PCYT2: variants seen among roughly 807,000 people sequenced by gnomAD.
PCYT2 encodes the protein ethanolamine-phosphate cytidylyltransferase.
Under a neutral mutation model 50.0 loss-of-function variants are expected in PCYT2, and 33 were observed. The observed-to-expected ratio is 0.66, with a 90% CI of 0.50 to 0.88. The LOEUF (loss-of-function observed/expected upper bound fraction) is 0.88, where lower values mean the gene tolerates loss of function less well. Ranked by LOEUF, PCYT2 falls within the 40% of genes least tolerant of loss-of-function variation. The pLI, the probability that PCYT2 is intolerant of heterozygous loss-of-function variation, is 0.00. For synonymous variants in PCYT2, 240 were observed against 203.7 expected (o/e 1.18, Z -1.52); for missense variants, 430 against 519.7 (o/e 0.83, Z 1.68).
intron 8 of PCYT2, 134 bp downstream of exon 8, chr17:81,906,330 G>C (rs1052919967): frequency 5.4e-6 from 6 of 1,112,756 alleles, no homozygotes; most frequent in Non-Finnish European, 7.9e-6. Context: ...AGAAGCCTAC[G>C]ATCACCCCCC....
chr17:81,904,957 G>GGTAA lies in PCYT2; in HGVS notation c.1059-17_1059-14dup, dbSNP rs1231910170. The stretch of plus-strand genomic sequence containing the variant: ...CTCATACTCCAACCTGAGAGGGCAG[G>GGTAA]GTAAGTCTAGCAGAGAGCGCCCATG... On this transcript the variant is annotated splice_polypyrimidine_tract_variant and intron_variant, in intron 12 of 12. Coordinates refer to ENST00000538936, the MANE Select transcript of PCYT2 (RefSeq NM_002861.5). The GGTAA allele has an allele frequency of 6.2e-7, 1 of 1,607,384 alleles. No individual in the cohort carries two copies. Among genetic ancestry groups the GGTAA allele is most frequent in the Non-Finnish European group, 8.5e-7 (1 of 1,175,912 alleles).
rs2040019232 is a variant in PCYT2, at chr17:81,902,902, C to G, written c.*1931G>C. 1.5e-6 allele frequency: 1 copy of G among 657,188 alleles called. No homozygotes were observed. Among genetic ancestry groups the G allele is most frequent in the East Asian group, 3.3e-5 (1 of 30,318 alleles). The allele number at this position is 657,188 out of a possible 1,614,324, so 40.7% of individuals were successfully genotyped here. On this transcript the variant is annotated 3_prime_UTR_variant, in exon 13 of 13. Transcript: ENST00000538936. ...AACGAATAAATAAATGAGGCGGCCT[C>G]GGAGTGAGGGGTGCTGGAGGACTGG...
At chr17:81,904,987 G>A (rs756107791) in intron 12 of PCYT2, 43 bp from the exon 13 acceptor site, 32 of 1,588,956 alleles carry the variant, frequency 2.0e-5, no homozygotes, top group African/African-American at 1.3e-4. Flanking sequence ...CCCATGAGGC[G>A]GCTCCGAGGG....
chr17:81,903,087 G>T lies in PCYT2; in HGVS notation c.*1746C>A, dbSNP rs763821694. On this transcript the variant is annotated 3_prime_UTR_variant, in exon 13 of 13. Coordinates refer to ENST00000538936, the MANE Select transcript of PCYT2 (RefSeq NM_002861.5). ...CGACCCAGCCCCGCGGTGAAGCCGC[G>T]CCTAGCCTTGGTGCTCCCTGGGGGA... 30 of 318,272 alleles carry T rather than the reference G, an allele frequency of 9.4e-5. No homozygotes were observed. The highest frequency in any genetic ancestry group is 1.6e-4 in the Non-Finnish European group (27 of 174,060). 19.7% of individuals were successfully genotyped at this position (318,272 alleles called of 1,614,324 possible).
Position 81,902,499 on chromosome 17 carries a change from G to A in PCYT2, c.*2334C>T. 1 of 1,420,316 alleles carries A rather than the reference G, an allele frequency of 7.0e-7. No homozygotes were observed. Among genetic ancestry groups the A allele is most frequent in the Non-Finnish European group, 9.1e-7 (1 of 1,094,790 alleles). 88.0% of individuals were successfully genotyped at this position (1,420,316 alleles called of 1,614,324 possible). A position where few individuals can be genotyped will look rare whatever the true frequency, so the allele number is the denominator to read the frequency against. On this transcript the variant is annotated 3_prime_UTR_variant, in exon 13 of 13. Transcript: ENST00000538936. ...GCGGGGCCGGCGCCTCCCCGGAGCT[G>A]CAACTGCACCCCAGGCTGCGGAGCC...
Position 81,906,741 on chromosome 17 carries a change from G to A in PCYT2, c.676+19C>T. 1 of 1,611,338 alleles carries A rather than the reference G, an allele frequency of 6.2e-7. No individual in the cohort carries two copies. The highest frequency in any genetic ancestry group is 8.5e-7 in the Non-Finnish European group (1 of 1,178,856). ...CCCATGTGGCACATGTAGGGGAGCA[G>A]CAGAGGCCCAGAGGATACGGAACAG... On this transcript the variant is annotated intron_variant, in intron 7 of 12. Transcript: ENST00000538936.
chr17:81,909,284 G>T (rs1442171101), intron 2 of PCYT2: 4 of 1,429,526 alleles, frequency 2.8e-6, no homozygotes, highest in Non-Finnish European at 2.7e-6. Context: ...TGGGAGCCTC[G>T]CTGGCAGTGG....
At position 81,902,892 on chromosome 17, in the gene PCYT2, G is replaced by C; in HGVS notation, c.*1941C>G. ...GTTAATGGCAAACGAATAAATAAAT[G>C]AGGCGGCCTCGGAGTGAGGGGTGCT... On this transcript the variant is annotated 3_prime_UTR_variant, in exon 13 of 13. Transcript: ENST00000538936. 1 of 712,418 alleles carries C rather than the reference G, an allele frequency of 1.4e-6. No homozygotes were observed. The highest frequency in any genetic ancestry group is 2.2e-6 in the Non-Finnish European group (1 of 463,116). The allele number at this position is 712,418 out of a possible 1,614,324, so 44.1% of individuals were successfully genotyped here.
chr17:81,907,576 T>A lies in PCYT2; in HGVS notation c.515A>T (p.Glu172Val). Residue 172 changes from glutamate (E) to valine (V), a missense_variant, in exon 6 of 13, where the codon GAG (glutamate) becomes GTG (valine). Physicochemically the swap from Glu to Val is moderately radical, Grantham distance 121 (BLOSUM62 -2). This residue lies in a region of PCYT2 where 248 missense variants were observed against 300.2 expected (regional missense o/e 0.83). Coordinates refer to ENST00000538936, the MANE Select transcript of PCYT2 (RefSeq NM_002861.5). ...SSQEMSSEYR[E>V]YADSFGKCPG... ...CACCTTGCCAAAACTGTCTGCATACTCCCGGTACTCAGAGGACATCTCCTG... is the reference window on the plus strand; with the variant it reads ...CACCTTGCCAAAACTGTCTGCATACACCCGGTACTCAGAGGACATCTCCTG... 6.2e-7 allele frequency: 1 copy of A among 1,611,728 alleles called. No individual in the cohort carries two copies. Among genetic ancestry groups the A allele is most frequent in the South Asian group, 1.1e-5 (1 of 90,718 alleles).
chr17:81,906,207 G>T, intron 8 of PCYT2, 30 bp from the exon 9 acceptor site: 2 of 1,580,802 alleles, frequency 1.3e-6, no homozygotes, highest in Non-Finnish European at 1.7e-6. Context: ...AGCTCAGCCC[G>T]GAGACTTTTT....
chr17:81,906,437 G>C (rs180980025), intron 8 of PCYT2, 27 bp downstream of exon 8: 4 of 1,605,022 alleles, frequency 2.5e-6, no homozygotes, highest in Non-Finnish European at 3.4e-6. Flanking sequence ...AGCTGCCCAG[G>C]GGCCCAGGGA....
In PCYT2 at chr17:81,911,394, G is replaced by T; in HGVS notation, c.-39C>A. ...CGGCGCGGACAGCCTGGCAGCTCCC[G>T]GCGACTCCGAGCGCCGCCGCCCGCC... On this transcript the variant is annotated 5_prime_UTR_variant, in exon 1 of 13. Transcript: ENST00000538936. 1 of 990,990 alleles carries T rather than the reference G, an allele frequency of 1.0e-6. No homozygotes were observed. Among genetic ancestry groups the T allele is most frequent in the Non-Finnish European group, 1.2e-6 (1 of 833,742 alleles). The allele number at this position is 990,990 out of a possible 1,614,324, so 61.4% of individuals were successfully genotyped here. A position where few individuals can be genotyped will look rare whatever the true frequency, so the allele number is the denominator to read the frequency against.
chr17:81,907,370 C>T (rs2040331169), intron 6 of PCYT2, 184 bp downstream of exon 6: 6 of 1,205,342 alleles, frequency 5.0e-6, no homozygotes, highest in Non-Finnish European at 7.0e-6. Context: ...CCACCACCCG[C>T]CTGCCCTCCC....
chr17:81,905,146 C>T lies in PCYT2; in HGVS notation c.978G>A (p.Lys326=). The stretch of plus-strand genomic sequence containing the variant: ...CAATCTGACGGAAGATGCCCCTTCT[C>T]TTGGGCTCCTGGGGGTCCAGAGAGG... The part of the protein sequence containing the change: ...RDGSDPYQEP[K]RRGIFRQIDS... Residue 326 remains lysine (K), a synonymous_variant, in exon 12 of 13, where the codon AAG becomes AAA. Coordinates refer to ENST00000538936, the MANE Select transcript of PCYT2 (RefSeq NM_002861.5). The T allele has an allele frequency of 6.2e-7, 1 of 1,612,552 alleles. No individual in the cohort carries two copies.
intron 6 of PCYT2, 60 bp from the exon 7 acceptor site, chr17:81,906,958 A>C: frequency 1.3e-6 from 2 of 1,557,564 alleles, no homozygotes; most frequent in South Asian, 2.3e-5. Flanking sequence ...TGCCCTCACC[A>C]GGTCACCAAA....
At chr17:81,907,881 G>A (rs755824877) in intron 4 of PCYT2, 24 bp from the exon 5 acceptor site, 3 of 1,580,184 alleles carry the variant, frequency 1.9e-6, no homozygotes, top group South Asian at 1.1e-5. Flanking sequence ...TGGGAGTGGG[G>A]TCTCATCCTG....
rs527833871 is a variant in PCYT2, at chr17:81,903,592, C to T, written c.*1241G>A. ...GTTCTGAGTGGGAGCATTGGCACCA[C>T]CCCACTCCTGAAAGCGGGGGCCTGG... On this transcript the variant is annotated 3_prime_UTR_variant, in exon 13 of 13. Coordinates refer to ENST00000538936, the MANE Select transcript of PCYT2 (RefSeq NM_002861.5). 7 of 152,462 alleles carry T rather than the reference C, an allele frequency of 4.6e-5. No individual in the cohort carries two copies. Among genetic ancestry groups the T allele is most frequent in the Admixed American group, 1.3e-4 (2 of 15,310 alleles). 9.4% of individuals were successfully genotyped at this position (152,462 alleles called of 1,614,324 possible). A position where few individuals can be genotyped will look rare whatever the true frequency, so the allele number is the denominator to read the frequency against.
In PCYT2 at chr17:81,908,879, C is replaced by G. The variant is rs999326794; in HGVS notation, c.337G>C (p.Gly113Arg). 6.2e-7 allele frequency: 1 copy of G among 1,613,140 alleles called. No individual in the cohort carries two copies. The highest frequency in any genetic ancestry group is 8.5e-7 in the Non-Finnish European group (1 of 1,179,446). Reference sequence around the variant, plus strand: ...AGGTCCCAGCCCCGCCACTCACTGCCGTGAACACAGAAGTCACAGTTGTAT... The same window carrying G: ...AGGTCCCAGCCCCGCCACTCACTGCGGTGAACACAGAAGTCACAGTTGTAT... ...DKYNCDFCVHGNDITLTVDGR... is the reference protein window; with the variant it reads ...DKYNCDFCVHRNDITLTVDGR... The change falls in exon 3 of 13, where the codon GGC becomes CGC. Residue 113 changes from glycine (G) to arginine (R), a missense_variant. Physicochemically the swap from Gly to Arg is moderately radical, Grantham distance 125 (BLOSUM62 -2). Around this residue, in one of 4 missense-constraint regions of PCYT2, gnomAD observed 117 missense variants for 163.9 expected, o/e 0.71. Transcript: ENST00000538936.
rs922678010 is a variant in PCYT2 at position 81,902,723 on chromosome 17, G to C, written c.*2110C>G. ...AAGGCGAACGTCTTCCTGTCCCTGC[G>C]CGCAGCCGACTGCCTCGCCGCCTGA... On this transcript the variant is annotated 3_prime_UTR_variant, in exon 13 of 13. Coordinates refer to ENST00000538936, the MANE Select transcript of PCYT2 (RefSeq NM_002861.5). The C allele has an allele frequency of 8.1e-6, 13 of 1,608,040 alleles. No homozygotes were observed. The highest frequency in any genetic ancestry group is 1.0e-5 in the Non-Finnish European group (12 of 1,178,400).
Sources: gnomAD v4.1 joint callset for allele counts on GRCh38, gnomAD v4.1.1 for gene constraint, gnomAD v4.1.1 regional missense constraint, MANE v1.5 for transcripts, NCBI Gene and HGNC (gene_info 2026-07-23, HGNC 2026-07-21) for gene names.